Variants in RHOJ observed in about 807,000 individuals in gnomAD.
The protein encoded by RHOJ is ras homolog family member J, also known as rho-related GTP-binding protein RhoJ.
Under a neutral mutation model 23.4 loss-of-function variants are expected in RHOJ, and 11 were observed. The ratio of observed to expected loss-of-function variants is 0.47; its 90% CI spans 0.30 to 0.78. The LOEUF (loss-of-function observed/expected upper bound fraction) is 0.78, where lower values mean the gene tolerates loss of function less well. Ranked by LOEUF, RHOJ falls within the 30% of genes least tolerant of loss-of-function variation. The probability of loss-of-function intolerance (pLI) is 0.08; values close to 1 mark genes in which losing one functional copy is unlikely to be tolerated. For synonymous variants in RHOJ, 102 were observed against 102.7 expected (o/e 0.99, Z 0.04); for missense variants, 254 against 273.4 (o/e 0.93, Z 0.50).
At chr14:63,280,373 G>C (rs1354685823) in intron 2 of RHOJ, among the ~76,000 whole-genome samples, 1 of 152,154 alleles carries the variant, frequency 6.6e-6, no homozygotes, top group African/African-American at 2.4e-5. Context: ...ATTGTTACCA[G>C]AGGCAAGTAA....
chr14:63,213,533 A>G lies in RHOJ; in HGVS notation c.178+8486A>G, dbSNP rs1274397917. On this transcript the variant is annotated intron_variant, in intron 1 of 4. Coordinates refer to ENST00000316754, the MANE Select transcript of RHOJ (RefSeq NM_020663.5). The stretch of plus-strand genomic sequence containing the variant: ...GTACCACATTTTCTTTATCCAATCC[A>G]CCATTGATGGGCACCTATGTTGATT... Among the ~76,000 whole-genome samples, 3 of 152,282 alleles carry G rather than the reference A, an allele frequency of 2.0e-5. No individual in the cohort carries two copies. In the East Asian group the frequency reaches 5.8e-4, roughly 29 times the overall value.
rs184485884 is a variant in RHOJ at position 63,291,716 on chromosome 14, T to C, written c.*692T>C. ...ACAGAGCCATGATTTTTGAACCTAATTGAAAGAAAACCATCTGAATTGTTG... is the reference window on the plus strand; with the variant it reads ...ACAGAGCCATGATTTTTGAACCTAACTGAAAGAAAACCATCTGAATTGTTG... On this transcript the variant is annotated 3_prime_UTR_variant, in exon 5 of 5. Coordinates refer to ENST00000316754, the MANE Select transcript of RHOJ (RefSeq NM_020663.5). 5.2e-5 allele frequency: 8 copies of C among 155,206 alleles called. No homozygotes were observed. The highest frequency in any genetic ancestry group is 1.9e-4 in the African/African-American group (8 of 41,580). 9.6% of individuals were successfully genotyped at this position (155,206 alleles called of 1,614,324 possible). A position where few individuals can be genotyped will look rare whatever the true frequency, so the allele number is the denominator to read the frequency against.
At chr14:63,269,725 C>T (rs1895432100) in intron 2 of RHOJ, among the ~76,000 whole-genome samples, 1 of 152,122 alleles carries the variant, frequency 6.6e-6, no homozygotes, top group South Asian at 2.1e-4. Flanking sequence ...CTCTAACTTC[C>T]CTAAGATTCT....
chr14:63,274,012 G>A (rs906939554), intron 2 of RHOJ, among the ~76,000 whole-genome samples: 7 of 152,174 alleles, frequency 4.6e-5, no homozygotes, highest in Non-Finnish European at 8.8e-5. Flanking sequence ...CCCCTCACTC[G>A]CCCAGGGCTG....
intron 1 of RHOJ, among the ~76,000 whole-genome samples, chr14:63,259,568 A>G (rs1038987494): frequency 2.0e-5 from 3 of 152,218 alleles, no homozygotes; most frequent in African/African-American, 7.2e-5. Context: ...GAAGTGGTAG[A>G]CTTCTTACCT....
intron 1 of RHOJ, among the ~76,000 whole-genome samples, chr14:63,206,607 T>G (rs185752133): frequency 5.3e-5 from 8 of 152,308 alleles, no homozygotes; most frequent in Admixed American, 4.6e-4. Flanking sequence ...ATGAAACTTA[T>G]GTATCCAAAT....
chr14:63,214,609 G>A (rs577715322), intron 1 of RHOJ, among the ~76,000 whole-genome samples: 6 of 152,294 alleles, frequency 3.9e-5, no homozygotes, highest in Non-Finnish European at 8.8e-5. Context: ...TGTACCTGCG[G>A]TGGGGGCATA....
chr14:63,223,566 A>G (rs1057081062), intron 1 of RHOJ, among the ~76,000 whole-genome samples: 3 of 152,142 alleles, frequency 2.0e-5, no homozygotes, highest in East Asian at 1.9e-4. Flanking sequence ...TTTCATACCT[A>G]TCTCATTAGT....
Position 63,291,428 on chromosome 14 carries a change from C to A in RHOJ, c.*404C>A. The A allele has an allele frequency of 3.6e-6, 1 of 277,978 alleles. No homozygotes were observed. Among genetic ancestry groups the A allele is most frequent in the Non-Finnish European group, 7.0e-6 (1 of 142,814 alleles). 17.2% of individuals were successfully genotyped at this position (277,978 alleles called of 1,614,324 possible). A position where few individuals can be genotyped will look rare whatever the true frequency, so the allele number is the denominator to read the frequency against. On this transcript the variant is annotated 3_prime_UTR_variant, in exon 5 of 5. Transcript: ENST00000316754. ...GCCTTACTTGATGTCTTTTATAAAA[C>A]TTGGGACTACAATACTAACCTTTTT...
At chr14:63,212,034 T>C (rs1028021950) in intron 1 of RHOJ, among the ~76,000 whole-genome samples, 1 of 152,222 alleles carries the variant, frequency 6.6e-6, no homozygotes, top group African/African-American at 2.4e-5. Context: ...TTCAAGTCAG[T>C]AGGGCTGCTT....
intron 1 of RHOJ, among the ~76,000 whole-genome samples, chr14:63,213,730 T>C (rs539457275): frequency 2.0e-4 from 31 of 152,322 alleles, no homozygotes; most frequent in African/African-American, 6.7e-4. Flanking sequence ...GGTGAGATAG[T>C]TCTGTTCCAT....
chr14:63,216,907 C>T (rs1894368865), intron 1 of RHOJ, among the ~76,000 whole-genome samples: 1 of 151,796 alleles, frequency 6.6e-6, no homozygotes, highest in South Asian at 2.1e-4. Context: ...CATTTTCTTT[C>T]CCTCAAGCTG....
At chr14:63,249,911 C>T (rs1272881549) in intron 1 of RHOJ, among the ~76,000 whole-genome samples, 2 of 152,136 alleles carry the variant, frequency 1.3e-5, no homozygotes, top group Non-Finnish European at 2.9e-5. Context: ...GATAATGTCT[C>T]CTAGGAAGCA....
chr14:63,234,178 T>C (rs1298691752), intron 1 of RHOJ, among the ~76,000 whole-genome samples: 2 of 152,262 alleles, frequency 1.3e-5, no homozygotes, highest in African/African-American at 4.8e-5. Context: ...TACTGGGTGA[T>C]TCCCATACTA....
At chr14:63,263,772 G>A (rs1010301998) in intron 1 of RHOJ, among the ~76,000 whole-genome samples, 1 of 152,128 alleles carries the variant, frequency 6.6e-6, no homozygotes, top group African/African-American at 2.4e-5. Flanking sequence ...GAATAATTCA[G>A]GACTTCAAAG....
At chr14:63,242,983 A>G (rs904100018) in intron 1 of RHOJ, among the ~76,000 whole-genome samples, 4 of 152,230 alleles carry the variant, frequency 2.6e-5, no homozygotes, top group African/African-American at 4.8e-5. Context: ...CACATCCCCA[A>G]ATACAAGGAA....
At chr14:63,253,402 T>A (rs887758826) in intron 1 of RHOJ, among the ~76,000 whole-genome samples, 2 of 127,750 alleles carry the variant, frequency 1.6e-5, no homozygotes, top group Non-Finnish European at 3.5e-5. Context: ...AAGTAGCTAA[T>A]TTTTTTTTTT....
chr14:63,244,362 T>C (rs1894938130), intron 1 of RHOJ, among the ~76,000 whole-genome samples: 1 of 150,506 alleles, frequency 6.6e-6, no homozygotes, highest in Non-Finnish European at 1.5e-5. Context: ...AGGTCAAGAG[T>C]TCGAGACCAG....
chr14:63,280,609 A>G (rs1308518335), intron 2 of RHOJ, among the ~76,000 whole-genome samples: 1 of 152,206 alleles, frequency 6.6e-6, no homozygotes, highest in East Asian at 1.9e-4. Flanking sequence ...TGTAGCATAT[A>G]TATGTATATC....
Sources: gnomAD v4.1 joint callset for allele counts (sites outside exome capture counted in the v4.1 genomes callset) on GRCh38, gnomAD v4.1.1 for gene constraint, MANE v1.5 for transcripts, NCBI Gene and HGNC (gene_info 2026-07-23, HGNC 2026-07-21) for gene names.